IL13RA1: variants seen among roughly 807,000 people sequenced by gnomAD.
IL13RA1 encodes interleukin-13 receptor subunit alpha-1.
A neutral mutation model predicts 33.8 loss-of-function variants in IL13RA1; 14 were observed. That is an observed-to-expected ratio of 0.41 (90% CI 0.27 to 0.65). The LOEUF (loss-of-function observed/expected upper bound fraction) is 0.65, where lower values mean the gene tolerates loss of function less well. IL13RA1 is among the 30% of genes least tolerant of loss of function. The probability of loss-of-function intolerance (pLI) is 0.28; values close to 1 mark genes in which losing one functional copy is unlikely to be tolerated. For synonymous variants in IL13RA1, 116 were observed against 115.7 expected (o/e 1.00, Z -0.02); for missense variants, 313 against 327.0 (o/e 0.96, Z 0.33).
chrX:118,758,718 G>A (rs747801163), intron 5 of IL13RA1: 5 of 112,149 alleles, frequency 4.5e-5, no homozygotes, highest in African/African-American at 1.6e-4. Context: ...GGCATCACAT[G>A]GTTAGGGAGT....
the IL13RA1 span, among the ~76,000 whole-genome samples, chrX:118,804,829 CA>C: frequency 8.9e-6 from 1 of 112,251 alleles, no homozygotes; most frequent in Non-Finnish European, 1.9e-5. Context: ...AATTGTCCCA[CA>C]GAGCTGATGT....
chrX:118,783,258 CT>C (rs1003373807), intron 10 of IL13RA1, among the ~76,000 whole-genome samples: 4 of 112,035 alleles, frequency 3.6e-5, no homozygotes, highest in Non-Finnish European at 7.5e-5. Flanking sequence ...TGTAAGCCCC[CT>C]AATCACTGAT....
intron 6 of IL13RA1, among the ~76,000 whole-genome samples, chrX:118,762,190 G>A (rs778288514): frequency 1.8e-5 from 2 of 112,919 alleles, no homozygotes; most frequent in South Asian, 7.2e-4. Context: ...TAGGGTAAAG[G>A]TCACAAACTA....
the IL13RA1 span, among the ~76,000 whole-genome samples, chrX:118,803,134 T>G: frequency 1.8e-5 from 2 of 112,342 alleles, no homozygotes; most frequent in African/African-American, 6.5e-5. Context: ...GTTTGATCAA[T>G]TCATCTTTGC....
At chrX:118,773,053 T>C (rs947752157) in intron 8 of IL13RA1, among the ~76,000 whole-genome samples, 3 of 112,533 alleles carry the variant, frequency 2.7e-5, no homozygotes, top group African/African-American at 9.7e-5. Flanking sequence ...TTTATGTACA[T>C]AGAGAAATTT....
chrX:118,774,202 C>T (rs1470024544), intron 9 of IL13RA1, among the ~76,000 whole-genome samples: 2 of 103,293 alleles, frequency 1.9e-5, no homozygotes, highest in South Asian at 4.5e-4. Context: ...CAGGCTGGAG[C>T]GCAGTGGTGT....
chrX:118,737,807 G>A (rs1603207568), intron 1 of IL13RA1, among the ~76,000 whole-genome samples: 2 of 111,698 alleles, frequency 1.8e-5, no homozygotes, highest in Admixed American at 1.9e-4. Context: ...TATTTGTGTG[G>A]GAGTGGGAGG....
chrX:118,758,755 C>T lies in IL13RA1; in HGVS notation c.676+513C>T, dbSNP rs62608690. The stretch of plus-strand genomic sequence containing the variant: ...GAGCATGCTAGCTCAGGTCTCTCTT[C>T]CTCTTTGTATACATCCACGAGTCCC... On this transcript the variant is annotated intron_variant, in intron 5 of 10. Coordinates refer to ENST00000371666, the MANE Select transcript of IL13RA1 (RefSeq NM_001560.3). 542 of 111,459 alleles carry T rather than the reference C, an allele frequency of 4.9e-3. 4 individuals are homozygous for T. Among genetic ancestry groups the T allele is most frequent in the Non-Finnish European group, 8.2e-3 (433 of 53,119 alleles). 9.2% of individuals were successfully genotyped at this position (111,459 alleles called of 1,213,427 possible). A position where few individuals can be genotyped will look rare whatever the true frequency, so the allele number is the denominator to read the frequency against.
chrX:118,776,876 A>G (rs1311418663), intron 10 of IL13RA1, among the ~76,000 whole-genome samples: 1 of 108,894 alleles, frequency 9.2e-6, no homozygotes, highest in Non-Finnish European at 1.9e-5. Context: ...AGGTGGGAGG[A>G]TCCCTTGAGC....
intron 5 of IL13RA1, among the ~76,000 whole-genome samples, chrX:118,758,597 G>A (rs2017559040): frequency 9.0e-6 from 1 of 111,572 alleles, no homozygotes; most frequent in Non-Finnish European, 1.9e-5. Context: ...TAAAGAAAAG[G>A]AATTTATTTC....
chrX:118,744,254 A>C (rs918023046), intron 2 of IL13RA1, among the ~76,000 whole-genome samples: 9 of 111,801 alleles, frequency 8.1e-5, no homozygotes, highest in Non-Finnish European at 1.9e-5. Context: ...TATTAGTGCC[A>C]GTTTAATATT....
Position 118,793,925 on chromosome X carries a change from C to T in IL13RA1, c.*2071C>T, listed in dbSNP as rs1171122052. ...GTAGTAGATGTTCTACTTTGTTCTGCTGTTCTCTAGAAAGAATATTTGGTT... is the reference window on the plus strand; with the variant it reads ...GTAGTAGATGTTCTACTTTGTTCTGTTGTTCTCTAGAAAGAATATTTGGTT... On this transcript the variant is annotated 3_prime_UTR_variant, in exon 11 of 11. Coordinates refer to ENST00000371666, the MANE Select transcript of IL13RA1 (RefSeq NM_001560.3). The T allele has an allele frequency of 1.8e-5, 2 of 112,157 alleles. No individual in the cohort carries two copies. Among genetic ancestry groups the T allele is most frequent in the East Asian group, 2.8e-4 (1 of 3,588 alleles). 9.2% of individuals were successfully genotyped at this position (112,157 alleles called of 1,213,427 possible). A position where few individuals can be genotyped will look rare whatever the true frequency, so the allele number is the denominator to read the frequency against.
chrX:118,772,809 A>G (rs1017685440), intron 8 of IL13RA1, among the ~76,000 whole-genome samples: 2 of 112,066 alleles, frequency 1.8e-5, no homozygotes, highest in Non-Finnish European at 3.8e-5. Context: ...TGGATAGTAT[A>G]CATAGTTTAG....
chrX:118,751,253 T>C (rs1455145434), intron 4 of IL13RA1, among the ~76,000 whole-genome samples: 2 of 112,650 alleles, frequency 1.8e-5, no homozygotes, highest in Non-Finnish European at 3.7e-5. Context: ...CCTAGAATTA[T>C]TAGCAACAGA....
At chrX:118,774,311 G>A (rs766199250) in intron 9 of IL13RA1, among the ~76,000 whole-genome samples, 5 of 109,126 alleles carry the variant, frequency 4.6e-5, no homozygotes, top group African/African-American at 1.7e-4. Flanking sequence ...CACCACGCCC[G>A]GCTAATTTTT....
intron 10 of IL13RA1, among the ~76,000 whole-genome samples, chrX:118,777,911 A>G (rs964213729): frequency 8.9e-6 from 1 of 112,092 alleles, no homozygotes; most frequent in African/African-American, 3.2e-5. Context: ...GTAGTACTGC[A>G]TAGTAGATAA....
At chrX:118,778,650 G>A (rs1466628659) in intron 10 of IL13RA1, among the ~76,000 whole-genome samples, 1 of 111,602 alleles carries the variant, frequency 9.0e-6, no homozygotes, top group Non-Finnish European at 1.9e-5. Flanking sequence ...GAAAATCAGT[G>A]ATAAAGATAT....
chrX:118,752,787 T>C (rs1461110638), intron 4 of IL13RA1, among the ~76,000 whole-genome samples: 2 of 112,158 alleles, frequency 1.8e-5, no homozygotes, highest in African/African-American at 6.5e-5. Context: ...TTATGAGGTA[T>C]AAGCAACTGA....
intron 10 of IL13RA1, among the ~76,000 whole-genome samples, chrX:118,787,115 A>G (rs2017927374): frequency 9.0e-6 from 1 of 111,503 alleles, no homozygotes; most frequent in Non-Finnish European, 1.9e-5. Context: ...GTGTTGGTAG[A>G]TTTTGGATTT....
Sources: gnomAD v4.1 joint callset for allele counts (sites outside exome capture counted in the v4.1 genomes callset) on GRCh38, gnomAD v4.1.1 for gene constraint, MANE v1.5 for transcripts, NCBI Gene and HGNC (gene_info 2026-07-23, HGNC 2026-07-21) for gene names.